The following NDRG2 variants were observed in gnomAD, a reference collection of about 807,000 sequenced individuals.
NDRG2 encodes protein NDRG2.
Under a neutral mutation model 58.2 loss-of-function variants are expected in NDRG2, and 34 were observed. That is an observed-to-expected ratio of 0.58 (90% CI 0.44 to 0.78). The LOEUF is 0.78. Among genes scored for constraint, NDRG2 ranks in the 30% least tolerant of loss-of-function variants. The probability of loss-of-function intolerance (pLI) is 0.00; values close to 1 mark genes in which losing one functional copy is unlikely to be tolerated. For synonymous variants in NDRG2, 187 were observed against 175.9 expected (o/e 1.06, Z -0.50); for missense variants, 434 against 471.2 (o/e 0.92, Z 0.73).
rs756225232 is a variant in NDRG2, at chr14:21,017,770, G to A, written c.950-8C>T. On this transcript the variant is annotated splice_region_variant and splice_polypyrimidine_tract_variant and intron_variant, in intron 15 of 15. Transcript: ENST00000556147. ...TCATGCAGGATGAGGCCACTGTGGA[G>A]ACAGCACGATGCACAAGCAGTCAGA... 23 of 1,601,596 alleles carry A rather than the reference G, an allele frequency of 1.4e-5. No homozygotes were observed. Among genetic ancestry groups the A allele is most frequent in the South Asian group, 2.2e-5 (2 of 89,624 alleles).
chr14:21,063,487 T>C lies in NDRG2; in HGVS notation c.24+7341A>G, dbSNP rs867736985. 2.6e-5 allele frequency among the ~76,000 whole-genome samples: 4 copies of C among 152,266 alleles called. No homozygotes were observed. The South Asian group carries it at 6.2e-4, about 24-fold the overall frequency. On this transcript the variant is annotated intron_variant, in intron 1 of 14. Coordinates refer to the NDRG2 transcript ENST00000403829. ...TAGGTTTTGTAATTGGGGGGTCTTATGCGTATGTTCAACATGGGCAGAGAC... is the reference window on the plus strand; with the variant it reads ...TAGGTTTTGTAATTGGGGGGTCTTACGCGTATGTTCAACATGGGCAGAGAC...
rs921301139 is a variant in NDRG2 at position 21,043,727 on chromosome 14, A to T, written c.25-20406T>A. On this transcript the variant is annotated intron_variant, in intron 1 of 14. Transcript: ENST00000403829. The stretch of plus-strand genomic sequence containing the variant: ...TGGGTTCCCTGGTCTATGCCATTGC[A>T]CATGTCTCCCCTGCCCCCTGGCATT... The T allele has an allele frequency of 1.4e-4, 60 of 416,838 alleles. No homozygotes were observed. The East Asian group carries it at 2.5e-3, about 18-fold the overall frequency. The allele number at this position is 416,838 out of a possible 1,614,324, so 25.8% of individuals were successfully genotyped here. A position where few individuals can be genotyped will look rare whatever the true frequency, so the allele number is the denominator to read the frequency against.
chr14:21,048,771 G>C (rs1304347237), intron 1 of NDRG2, among the ~76,000 whole-genome samples: 1 of 152,188 alleles, frequency 6.6e-6, no homozygotes, highest in Non-Finnish European at 1.5e-5. Context: ...GTGATGAATG[G>C]AGCAGGCCTG....
intron 1 of NDRG2, among the ~76,000 whole-genome samples, chr14:21,060,994 A>C (rs1035218641): frequency 5.2e-4 from 79 of 152,356 alleles, no homozygotes; most frequent in Admixed American, 5.1e-3. Context: ...CGTGATTTGG[A>C]GCTAGGCAAA....
Position 21,019,684 on chromosome 14 carries a change from G to A in NDRG2, c.671C>T (p.Ala224Val). 1 of 1,613,894 alleles carries A rather than the reference G, an allele frequency of 6.2e-7. No individual in the cohort carries two copies. Among genetic ancestry groups the A allele is most frequent in the Middle Eastern group, 1.7e-4 (1 of 6,060 alleles). ...CAATTCAATGTTATCCAGGTTGGGTGCATGTGTAATGATATTTCTGTACTT... is the reference window on the plus strand; with the variant it reads ...CAATTCAATGTTATCCAGGTTGGGTACATGTGTAATGATATTTCTGTACTT... ...IQKYRNIITH[A>V]PNLDNIELYW... The change falls in exon 10 of 16, where the codon GCA becomes GTA. Residue 224 changes from alanine (A) to valine (V), a missense_variant. By Grantham distance (64) the Ala-to-Val change is moderately conservative. Coordinates refer to ENST00000556147, the MANE Select transcript of NDRG2 (RefSeq NM_001320329.2).
chr14:21,036,287 G>T (rs1884622133), intron 1 of NDRG2: 1 of 456,096 alleles, frequency 2.2e-6, no homozygotes, highest in Non-Finnish European at 4.4e-6. Flanking sequence ...GAAAAAGTGT[G>T]ATCCCTTCTT....
intron 1 of NDRG2, among the ~76,000 whole-genome samples, chr14:21,062,984 G>C (rs1295431479): frequency 6.6e-6 from 1 of 151,578 alleles, no homozygotes; most frequent in Admixed American, 6.6e-5. Context: ...TAATTAGCCA[G>C]GTGTAGGGGT....
intron 11 of NDRG2, 141 bp from the exon 12 acceptor site, chr14:21,018,955 A>T: frequency 7.8e-7 from 1 of 1,281,400 alleles, no homozygotes; most frequent in Non-Finnish European, 1.1e-6. Context: ...CACCAAGAGG[A>T]TTCAAAGGGG....
intron 1 of NDRG2, among the ~76,000 whole-genome samples, chr14:21,054,539 TG>T (rs1342912425): frequency 1.4e-4 from 21 of 152,210 alleles, no homozygotes; most frequent in Admixed American, 1.1e-3. Flanking sequence ...AGGCCAGCCC[TG>T]GGCTCCTGCT....
chr14:21,020,105 C>T lies in NDRG2; in HGVS notation c.556-129G>A, dbSNP rs1879319214. The T allele has an allele frequency of 6.7e-6, 5 of 745,234 alleles. 1 individual carries two copies. In the South Asian group the frequency reaches 7.6e-5, roughly 11 times the overall value. 46.2% of individuals were successfully genotyped at this position (745,234 alleles called of 1,614,324 possible). A position where few individuals can be genotyped will look rare whatever the true frequency, so the allele number is the denominator to read the frequency against. ...GGTCAGGAGTTCAAGACCACCCTGGCCAAGATGGTGAAACCCCATCTCTAC... is the reference window on the plus strand; with the variant it reads ...GGTCAGGAGTTCAAGACCACCCTGGTCAAGATGGTGAAACCCCATCTCTAC... On this transcript the variant is annotated intron_variant, in intron 8 of 15. Coordinates refer to ENST00000556147, the MANE Select transcript of NDRG2 (RefSeq NM_001320329.2).
Position 21,070,254 on chromosome 14 carries a change from G to A in NDRG2, c.24+574C>T, listed in dbSNP as rs1219639920. On this transcript the variant is annotated intron_variant, in intron 1 of 14. Coordinates refer to the NDRG2 transcript ENST00000403829. This position sits in a 1 kb window ranked among gnomAD's most constrained non-coding sequence, Gnocchi z 4.7. ...CTCCCTGGCGGGGCCCCGCGGCCTG[G>A]AAGCCGGAGCGGGCCGAGCCGCCAC... 3 of 917,482 alleles carry A rather than the reference G, an allele frequency of 3.3e-6. No homozygotes were observed. The highest frequency in any genetic ancestry group is 4.2e-6 in the Non-Finnish European group (3 of 717,498). 56.8% of individuals were successfully genotyped at this position (917,482 alleles called of 1,614,324 possible).
intron 1 of NDRG2, chr14:21,042,820 T>C: frequency 3.2e-6 from 2 of 615,548 alleles, no homozygotes; most frequent in East Asian, 2.8e-5. Context: ...GCAGTGGATG[T>C]GGACACACAG....
At chr14:21,046,122 GTAAT>G (rs1475862284) in intron 1 of NDRG2, among the ~76,000 whole-genome samples, 4 of 152,100 alleles carry the variant, frequency 2.6e-5, no homozygotes, top group Non-Finnish European at 5.9e-5. Flanking sequence ...TCTAAAAAGA[GTAAT>G]TAAATCATAG....
At chr14:21,018,317 T>C in intron 13 of NDRG2, 78 bp from the exon 14 acceptor site, 1 of 1,606,812 alleles carries the variant, frequency 6.2e-7, no homozygotes, top group Non-Finnish European at 8.5e-7. Context: ...GGGTCTCTCT[T>C]CCCTAGCTTC....
intron 1 of NDRG2, chr14:21,043,232 C>A (rs144405763): frequency 6.2e-7 from 1 of 1,614,134 alleles, no homozygotes. Flanking sequence ...CCAGTGTGGC[C>A]GCCACCTGCC....
At chr14:21,063,581 G>T (rs1170941125) in intron 1 of NDRG2, among the ~76,000 whole-genome samples, 1 of 152,148 alleles carries the variant, frequency 6.6e-6, no homozygotes, top group Non-Finnish European at 1.5e-5. Context: ...TTTATCCGCT[G>T]CTTGGCAGTT....
intron 1 of NDRG2, chr14:21,033,711 C>T (rs765264357): frequency 3.6e-6 from 3 of 825,976 alleles, no homozygotes; most frequent in Non-Finnish European, 6.3e-6. Context: ...TGGGAGGGGA[C>T]CCTGCCTGCC....
intron 1 of NDRG2, among the ~76,000 whole-genome samples, chr14:21,037,413 A>G (rs916512397): frequency 3.3e-5 from 5 of 152,258 alleles, no homozygotes; most frequent in African/African-American, 4.8e-5. Context: ...CCTAGGGATG[A>G]AAAACTAAGT....
At chr14:21,023,719 T>C (rs1252246000) in intron 1 of NDRG2, 1 of 187,406 alleles carries the variant, frequency 5.3e-6, no homozygotes, top group Non-Finnish European at 1.1e-5. Context: ...GACTGAGTAT[T>C]CTAAAGGACA....
Sources: allele counts gnomAD v4.1 joint callset (sites outside exome capture counted in the v4.1 genomes callset), GRCh38; gene constraint gnomAD v4.1.1; non-coding constraint Gnocchi (gnomAD v3.1); transcripts MANE v1.5; gene names NCBI Gene and HGNC (gene_info 2026-07-23, HGNC 2026-07-21).